LPCAT2: variants seen among roughly 807,000 people sequenced by gnomAD.
LPCAT2 encodes the protein 1-AGP acyltransferase 11.
A neutral mutation model predicts 64.7 loss-of-function variants in LPCAT2; 58 were observed. The observed-to-expected ratio is 0.90, with a 90% CI of 0.73 to 1.12. The LOEUF is 1.12. LPCAT2 is among the 50% of genes most tolerant of loss of function. LPCAT2 has a pLI of 0.00. For synonymous variants in LPCAT2, 252 were observed against 245.3 expected (o/e 1.03, Z -0.26); for missense variants, 579 against 669.8 (o/e 0.86, Z 1.50).
At chr16:55,551,207 A>G in intron 11 of LPCAT2, 105 bp downstream of exon 11, 1 of 1,008,026 alleles carries the variant, frequency 9.9e-7, no homozygotes, top group Non-Finnish European at 1.4e-6. Flanking sequence ...TGTTAGAAGA[A>G]TCAAGGCTGA....
In LPCAT2 at chr16:55,545,827, T is replaced by A; in HGVS notation, c.935+10T>A. 1 of 1,558,002 alleles carries A rather than the reference T, an allele frequency of 6.4e-7. No homozygotes were observed. The highest frequency in any genetic ancestry group is 8.8e-7 in the Non-Finnish European group (1 of 1,134,846). ...GGAATTTAATGGCAGAGTAAGTGTC[T>A]ATATTTGATTATAACTCATAAATAA... is the stretch of plus-strand genomic sequence containing the variant. On this transcript the variant is annotated intron_variant, in intron 9 of 13. Coordinates refer to ENST00000262134, the MANE Select transcript of LPCAT2 (RefSeq NM_017839.5).
chr16:55,582,396 C>A (rs1179716030), intron 13 of LPCAT2, among the ~76,000 whole-genome samples: 1 of 152,086 alleles, frequency 6.6e-6, no homozygotes, highest in Admixed American at 6.6e-5. Flanking sequence ...AGTTTTTGGG[C>A]TTTATATAAA....
chr16:55,566,757 A>C (rs765344413), intron 11 of LPCAT2: 1 of 1,601,574 alleles, frequency 6.2e-7, no homozygotes, highest in Admixed American at 1.7e-5. Context: ...AACTGAAAGC[A>C]TGTTTCTTGC....
rs45484691 is a variant in LPCAT2, at chr16:55,509,156, G to T, written c.-26G>T. On this transcript the variant is annotated 5_prime_UTR_variant, in exon 1 of 14. Coordinates refer to ENST00000262134, the MANE Select transcript of LPCAT2 (RefSeq NM_017839.5). ...CTGCAGCGCCCGCGTAGATCGCTTCGGCCGGGTTCTACGCCCGGCTCAACT... is the reference window on the plus strand; with the variant it reads ...CTGCAGCGCCCGCGTAGATCGCTTCTGCCGGGTTCTACGCCCGGCTCAACT... 1 of 1,310,614 alleles carries T rather than the reference G, an allele frequency of 7.6e-7. No individual in the cohort carries two copies. The highest frequency in any genetic ancestry group is 9.8e-7 in the Non-Finnish European group (1 of 1,025,258). 81.2% of individuals were successfully genotyped at this position (1,310,614 alleles called of 1,614,324 possible).
intron 13 of LPCAT2, among the ~76,000 whole-genome samples, chr16:55,581,894 A>C (rs1963890582): frequency 6.6e-6 from 1 of 152,160 alleles, no homozygotes; most frequent in African/African-American, 2.4e-5. Flanking sequence ...TCAGCTTCTA[A>C]AACACTTGAG....
intron 11 of LPCAT2, among the ~76,000 whole-genome samples, chr16:55,560,246 C>A (rs1963621128): frequency 6.6e-6 from 1 of 152,062 alleles, no homozygotes; most frequent in South Asian, 2.1e-4. Flanking sequence ...TCTAGAAAGG[C>A]TTTTGATTTC....
At chr16:55,579,942 A>G (rs1156482820) in intron 13 of LPCAT2, among the ~76,000 whole-genome samples, 1 of 149,446 alleles carries the variant, frequency 6.7e-6, no homozygotes, top group East Asian at 1.9e-4. Context: ...AACAAGTTGC[A>G]CTGGACTGAA....
chr16:55,525,284 G>A (rs561876069), intron 1 of LPCAT2, among the ~76,000 whole-genome samples: 15 of 152,028 alleles, frequency 9.9e-5, no homozygotes, highest in African/African-American at 3.4e-4. Flanking sequence ...TTTGTCTTAC[G>A]GTTTTCTTCA....
intron 11 of LPCAT2, 50 bp downstream of exon 11, chr16:55,551,152 G>GAGT: frequency 6.7e-7 from 1 of 1,484,068 alleles, no homozygotes; most frequent in South Asian, 1.4e-5. Context: ...GTCCTACAGT[G>GAGT]AGTAAATCAA....
intron 1 of LPCAT2, among the ~76,000 whole-genome samples, chr16:55,516,270 A>C (rs938491311): frequency 7.8e-6 from 1 of 128,058 alleles, no homozygotes; most frequent in African/African-American, 2.5e-5. Context: ...ACACCCAACA[A>C]ATTTTTGTAT....
intron 1 of LPCAT2, among the ~76,000 whole-genome samples, chr16:55,518,142 C>T (rs1045185957): frequency 6.6e-6 from 1 of 152,104 alleles, no homozygotes; most frequent in African/African-American, 2.4e-5. Flanking sequence ...CATATTTTTT[C>T]ACAAGCAACA....
At chr16:55,560,306 A>T (rs980446501) in intron 11 of LPCAT2, among the ~76,000 whole-genome samples, 1 of 152,138 alleles carries the variant, frequency 6.6e-6, no homozygotes, top group Non-Finnish European at 1.5e-5. Flanking sequence ...GGTCCAGATC[A>T]TATTGCAGTT....
At chr16:55,540,128 T>G (rs2142390502) in intron 8 of LPCAT2, 1 of 152,256 alleles carries the variant, frequency 6.6e-6, no homozygotes, top group African/African-American at 2.4e-5. Context: ...TTAGGAATAT[T>G]TTCTTACCAC....
In LPCAT2 at chr16:55,509,093, TAGGCTGGGACTCTAG is replaced by T; in HGVS notation, c.-88_-74del. The T allele has an allele frequency of 8.7e-7, 1 of 1,147,134 alleles. No individual in the cohort carries two copies. Among genetic ancestry groups the T allele is most frequent in the Non-Finnish European group, 1.1e-6 (1 of 896,170 alleles). The allele number at this position is 1,147,134 out of a possible 1,614,324, so 71.1% of individuals were successfully genotyped here. On this transcript the variant is annotated 5_prime_UTR_variant, in exon 1 of 14. Coordinates refer to ENST00000262134, the MANE Select transcript of LPCAT2 (RefSeq NM_017839.5). ...GCGCAGAGGCTCCCCAGCGTCGCCCTAGGCTGGGACTCTAGTAGGTCTTCGGCTCAGTTTTGGCTG... is the reference window on the plus strand; with the variant it reads ...GCGCAGAGGCTCCCCAGCGTCGCCCTTAGGTCTTCGGCTCAGTTTTGGCTG...
chr16:55,550,872 T>A (rs1963508479), intron 10 of LPCAT2, 77 bp from the exon 11 acceptor site: 1 of 1,202,920 alleles, frequency 8.3e-7, no homozygotes, highest in Admixed American at 2.6e-5. Flanking sequence ...GATACATTAA[T>A]AAAATAATGA....
intron 11 of LPCAT2, among the ~76,000 whole-genome samples, chr16:55,565,308 A>G (rs1174709877): frequency 1.3e-5 from 2 of 152,076 alleles, no homozygotes; most frequent in Non-Finnish European, 2.9e-5. Flanking sequence ...TAGTTCCTTA[A>G]AAAGATAAAA....
intron 6 of LPCAT2, among the ~76,000 whole-genome samples, chr16:55,533,136 C>T (rs1963276271): frequency 6.6e-6 from 1 of 152,096 alleles, no homozygotes; most frequent in Admixed American, 6.6e-5. Flanking sequence ...ACTCTGTTGT[C>T]ACCATGTTGG....
At chr16:55,535,101 G>T (rs1251306330) in intron 7 of LPCAT2, among the ~76,000 whole-genome samples, 1 of 152,148 alleles carries the variant, frequency 6.6e-6, no homozygotes, top group Non-Finnish European at 1.5e-5. Context: ...AAGATCGTTT[G>T]TTTAGTTCCC....
chr16:55,557,326 G>T (rs1411205531), intron 11 of LPCAT2, among the ~76,000 whole-genome samples: 11 of 150,166 alleles, frequency 7.3e-5, no homozygotes, highest in African/African-American at 2.7e-4. Flanking sequence ...GAACACACCT[G>T]AATGTCTGTG....
Sources: allele counts gnomAD v4.1 joint callset (sites outside exome capture counted in the v4.1 genomes callset), GRCh38; gene constraint gnomAD v4.1.1; transcripts MANE v1.5; gene names NCBI Gene and HGNC (gene_info 2026-07-23, HGNC 2026-07-21).